Variants in ARMC2 observed in about 807,000 individuals in gnomAD.
The protein encoded by ARMC2 is armadillo repeat-containing protein 2.
A neutral mutation model predicts 90.3 loss-of-function variants in ARMC2; 67 were observed. The observed-to-expected ratio is 0.74, with a 90% CI of 0.61 to 0.91. ARMC2 has a LOEUF of 0.91. Among genes scored for constraint, ARMC2 ranks in the 40% least tolerant of loss-of-function variants. The pLI, the probability that ARMC2 is intolerant of heterozygous loss-of-function variation, is 0.00. For missense variants in ARMC2, 920 were observed against 1,030.9 expected, an observed-to-expected ratio of 0.89 and a Z score of 1.47; for synonymous variants, 393 against 393.0, an observed-to-expected ratio of 1.00 and a Z score of 0.00.
At chr6:108,857,233 G>T (rs1009479675) in intron 2 of ARMC2, among the ~76,000 whole-genome samples, 5 of 152,106 alleles carry the variant, frequency 3.3e-5, no homozygotes, top group African/African-American at 7.2e-5. Flanking sequence ...TTAGTTTTTT[G>T]ATTTCTTTCA....
At chr6:108,898,300 A>G (rs184592900) in intron 6 of ARMC2, among the ~76,000 whole-genome samples, 12 of 151,456 alleles carry the variant, frequency 7.9e-5, no homozygotes, top group Admixed American at 7.9e-4. Flanking sequence ...CTCTCTTCCA[A>G]CCTCTCACCT....
chr6:108,884,551 C>T (rs1271772526), intron 5 of ARMC2, among the ~76,000 whole-genome samples: 2 of 152,040 alleles, frequency 1.3e-5, no homozygotes, highest in Non-Finnish European at 2.9e-5. Context: ...GGTTGATTTT[C>T]GTGAGGGATG....
At chr6:108,855,311 C>T (rs192386095) in intron 2 of ARMC2, among the ~76,000 whole-genome samples, 7 of 150,430 alleles carry the variant, frequency 4.7e-5, no homozygotes, top group East Asian at 2.0e-4. Context: ...TGCAGTGGCA[C>T]GATCTCAGCT....
chr6:108,861,291 T>G (rs1469474033), intron 3 of ARMC2, among the ~76,000 whole-genome samples: 3 of 152,264 alleles, frequency 2.0e-5, no homozygotes, highest in Non-Finnish European at 4.4e-5. Context: ...TATGTGTGTG[T>G]GCGTGCACAC....
At chr6:108,999,798 T>C in the ARMC2 span, 1 of 152,182 alleles carries the variant, frequency 6.6e-6, no homozygotes, top group Non-Finnish European at 1.5e-5. Context: ...TGAAAACTTT[T>C]GTCGACAAAA....
chr6:108,952,208 A>G (rs1349926400), intron 12 of ARMC2, among the ~76,000 whole-genome samples: 1 of 152,236 alleles, frequency 6.6e-6, no homozygotes, highest in African/African-American at 2.4e-5. Context: ...ATCTGGACTC[A>G]TATGTGGACA....
At chr6:109,025,141 G>A in the ARMC2 span, among the ~76,000 whole-genome samples, 1 of 151,958 alleles carries the variant, frequency 6.6e-6, no homozygotes, top group Non-Finnish European at 1.5e-5. Flanking sequence ...GGGGCTAAAC[G>A]CTCAAAGCAT....
chr6:108,981,965 G>C, the ARMC2 span, among the ~76,000 whole-genome samples: 1 of 152,052 alleles, frequency 6.6e-6, no homozygotes, highest in Non-Finnish European at 1.5e-5. Context: ...CCTGTGCCCT[G>C]CTGATTTCTT....
At chr6:108,997,609 A>G in the ARMC2 span, among the ~76,000 whole-genome samples, 2 of 152,176 alleles carry the variant, frequency 1.3e-5, no homozygotes, top group Non-Finnish European at 2.9e-5. Context: ...AAACCTCACA[A>G]TAACTTTGTG....
At chr6:109,019,225 C>G in the ARMC2 span, among the ~76,000 whole-genome samples, 1 of 152,014 alleles carries the variant, frequency 6.6e-6, no homozygotes, top group African/African-American at 2.4e-5. Context: ...AGACACACAC[C>G]CCTCATGATC....
intron 13 of ARMC2, among the ~76,000 whole-genome samples, chr6:108,957,511 C>T (rs1452198768): frequency 6.6e-6 from 1 of 152,208 alleles, no homozygotes; most frequent in Non-Finnish European, 1.5e-5. Flanking sequence ...GCCCACTGAA[C>T]TCAGAGTTGC....
At chr6:108,983,039 G>T in the ARMC2 span, among the ~76,000 whole-genome samples, 1 of 151,830 alleles carries the variant, frequency 6.6e-6, no homozygotes. Context: ...GGATGGTCTC[G>T]ATCTCCTGAC....
At chr6:109,034,312 T>C in the ARMC2 span, among the ~76,000 whole-genome samples, 701 of 152,330 alleles carry the variant, frequency 4.6e-3, 4 homozygotes, top group Middle Eastern at 0.017. Context: ...AATGGTATAA[T>C]TACTTCTCTC....
chr6:108,878,685 A>G (rs982850733), intron 5 of ARMC2, among the ~76,000 whole-genome samples: 1 of 152,192 alleles, frequency 6.6e-6, no homozygotes, highest in Non-Finnish European at 1.5e-5. Flanking sequence ...TTTACAAAAG[A>G]GAACACACTG....
chr6:108,879,392 C>G (rs1777276475), intron 5 of ARMC2, among the ~76,000 whole-genome samples: 1 of 151,626 alleles, frequency 6.6e-6, no homozygotes, highest in Non-Finnish European at 1.5e-5. Flanking sequence ...TCCATTCATC[C>G]ATCCATATAC....
chr6:108,908,417 A>C (rs1314843397), intron 8 of ARMC2, among the ~76,000 whole-genome samples: 1 of 152,196 alleles, frequency 6.6e-6, no homozygotes. Context: ...TCAGGTGCCC[A>C]GTAAATACTT....
chr6:108,941,858 T>C (rs959637464), intron 12 of ARMC2, among the ~76,000 whole-genome samples: 1 of 152,240 alleles, frequency 6.6e-6, no homozygotes, highest in African/African-American at 2.4e-5. Flanking sequence ...CTTTTACTTA[T>C]AATAAAGATT....
chr6:108,932,177 A>G (rs1583158345), intron 11 of ARMC2, among the ~76,000 whole-genome samples: 1 of 151,956 alleles, frequency 6.6e-6, no homozygotes, highest in East Asian at 1.9e-4. Context: ...ATTTTCTCCA[A>G]TTCTGTAGGT....
chr6:108,861,080 G>A (rs1269640449), intron 3 of ARMC2, among the ~76,000 whole-genome samples: 2 of 152,140 alleles, frequency 1.3e-5, no homozygotes, highest in Non-Finnish European at 2.9e-5. Context: ...TTCTGGCTTT[G>A]GTAGCCTGAC....
Sources: gnomAD v4.1 joint callset for allele counts (sites outside exome capture counted in the v4.1 genomes callset) on GRCh38, gnomAD v4.1.1 for gene constraint, MANE v1.5 for transcripts, NCBI Gene and HGNC (gene_info 2026-07-23, HGNC 2026-07-21) for gene names.